Variants in PTPRT observed in about 807,000 individuals in gnomAD.
The protein encoded by PTPRT is protein tyrosine phosphatase receptor type T.
A neutral mutation model predicts 176.8 loss-of-function variants in PTPRT; 56 were observed. The ratio of observed to expected loss-of-function variants is 0.32; its 90% CI spans 0.26 to 0.40. The LOEUF is 0.40. Ranked by LOEUF, PTPRT falls within the 10% of genes least tolerant of loss-of-function variation. PTPRT has a pLI of 1.00. For synonymous variants in PTPRT, 783 were observed against 739.0 expected (o/e 1.06, Z -0.96); for missense variants, 1,540 against 1,908.2 (o/e 0.81, Z 3.60).
intron 2 of PTPRT, among the ~76,000 whole-genome samples, chr20:42,794,089 C>G (rs894063461): frequency 1.3e-5 from 2 of 152,206 alleles, no homozygotes; most frequent in African/African-American, 4.8e-5. Context: ...TCCATCCTAG[C>G]TTCGGTAGCA....
chr20:43,182,968 C>A lies in PTPRT; in HGVS notation c.88+6678G>T, dbSNP rs199761244. ...TGAATGAATGATCTATTCTCTCCCC[C>A]ACAAATCCATACCCTACCAAAATAT... is the stretch of plus-strand genomic sequence containing the variant. On this transcript the variant is annotated intron_variant, in intron 1 of 30. Coordinates refer to ENST00000373187, the MANE Select transcript of PTPRT (RefSeq NM_007050.6). 7.2e-5 allele frequency among the ~76,000 whole-genome samples: 11 copies of A among 152,316 alleles called. No homozygotes were observed. In the East Asian group the frequency reaches 2.1e-3, roughly 29 times the overall value.
intron 7 of PTPRT, among the ~76,000 whole-genome samples, chr20:42,491,562 A>G (rs558167582): frequency 2.6e-5 from 4 of 152,224 alleles, no homozygotes; most frequent in African/African-American, 9.6e-5. Flanking sequence ...GCCTTAGAAC[A>G]GGGCTTGAGG....
intron 16 of PTPRT, among the ~76,000 whole-genome samples, chr20:42,190,993 T>C (rs1990980758): frequency 6.6e-6 from 1 of 152,078 alleles, no homozygotes; most frequent in Admixed American, 6.6e-5. Flanking sequence ...CTTACTTAAT[T>C]TTCCCACCAT....
chr20:42,726,235 A>G (rs774607094), intron 6 of PTPRT, among the ~76,000 whole-genome samples: 5 of 152,034 alleles, frequency 3.3e-5, no homozygotes, highest in African/African-American at 4.8e-5. Context: ...ACACATCAGC[A>G]CACTTGGCTA....
chr20:42,193,881 T>C (rs1350063910), intron 16 of PTPRT, among the ~76,000 whole-genome samples: 1 of 152,252 alleles, frequency 6.6e-6, no homozygotes, highest in African/African-American at 2.4e-5. Flanking sequence ...ATTTTTTAAA[T>C]TGTAGGTTCT....
chr20:42,681,307 C>T (rs1163668356), intron 6 of PTPRT, among the ~76,000 whole-genome samples: 1 of 152,120 alleles, frequency 6.6e-6, no homozygotes, highest in Non-Finnish European at 1.5e-5. Flanking sequence ...ATTTGCCAGA[C>T]AGAGCACTGA....
At chr20:42,390,863 C>A (rs1306687334) in intron 9 of PTPRT, among the ~76,000 whole-genome samples, 1 of 152,114 alleles carries the variant, frequency 6.6e-6, no homozygotes, top group Admixed American at 6.6e-5. Flanking sequence ...AGAACAGGAA[C>A]TTTCTTGAGT....
At position 42,997,350 on chromosome 20, in the gene PTPRT, TC is replaced by T. The variant is rs139186435; in HGVS notation, c.89-111419del. Among the ~76,000 whole-genome samples, 588 of 152,240 alleles carry T rather than the reference TC, an allele frequency of 3.9e-3. 12 individuals carry two copies. In the East Asian group the frequency reaches 0.072, roughly 19 times the overall value. On this transcript the variant is annotated intron_variant, in intron 1 of 30. Transcript: ENST00000373187. ...CATTAGAAAAAGCCAGGTAGCCTCT[TC>T]CTGGTTCCATTGAGATGCTCACTTT...
intron 18 of PTPRT, among the ~76,000 whole-genome samples, chr20:42,136,011 T>C (rs761210572): frequency 2.0e-4 from 30 of 151,500 alleles, no homozygotes; most frequent in East Asian, 1.9e-4. Flanking sequence ...AGAGAGAGGG[T>C]TCACTTTCCT....
chr20:42,885,719 C>T, intron 2 of PTPRT, 88 bp downstream of exon 2: 1 of 1,500,742 alleles, frequency 6.7e-7, no homozygotes, highest in Non-Finnish European at 9.0e-7. Flanking sequence ...TCTCAGAGAG[C>T]TCAATGTGTA....
intron 2 of PTPRT, among the ~76,000 whole-genome samples, chr20:42,831,589 G>T (rs2078089925): frequency 6.6e-6 from 1 of 152,122 alleles, no homozygotes; most frequent in Admixed American, 6.5e-5. Context: ...AGAGTAAACA[G>T]ACAACCTACA....
intron 26 of PTPRT, 107 bp downstream of exon 26, chr20:42,102,017 G>C (rs1437698491): frequency 1.5e-6 from 2 of 1,334,110 alleles, no homozygotes; most frequent in East Asian, 4.8e-5. Flanking sequence ...AGAAGCAGGG[G>C]GGGCTGGCTG....
chr20:43,143,604 G>A (rs1037378307), intron 1 of PTPRT, among the ~76,000 whole-genome samples: 14 of 152,158 alleles, frequency 9.2e-5, no homozygotes, highest in Non-Finnish European at 1.9e-4. Context: ...CCTGATAAAA[G>A]GGAAGAAAAG....
At chr20:42,778,384 G>A (rs986215810) in intron 4 of PTPRT, among the ~76,000 whole-genome samples, 2 of 152,088 alleles carry the variant, frequency 1.3e-5, no homozygotes, top group Non-Finnish European at 1.5e-5. Context: ...TCCCATTAGA[G>A]CACAAAGTTC....
intron 6 of PTPRT, among the ~76,000 whole-genome samples, chr20:42,681,547 C>A (rs2075604474): frequency 6.6e-6 from 1 of 152,124 alleles, no homozygotes; most frequent in South Asian, 2.1e-4. Context: ...GTTGCTTGGG[C>A]TACACTGGTC....
chr20:42,698,834 G>A (rs1162737296), intron 6 of PTPRT, among the ~76,000 whole-genome samples: 1 of 151,134 alleles, frequency 6.6e-6, no homozygotes, highest in African/African-American at 2.5e-5. Flanking sequence ...TAGCATCAGA[G>A]GCAACAATGA....
chr20:42,988,231 G>T (rs2146101494), intron 1 of PTPRT, among the ~76,000 whole-genome samples: 1 of 152,270 alleles, frequency 6.6e-6, no homozygotes, highest in South Asian at 2.1e-4. Flanking sequence ...CCAAAACAAA[G>T]AATGGCAGCC....
At chr20:42,329,235 G>A (rs2057929465) in intron 11 of PTPRT, among the ~76,000 whole-genome samples, 1 of 152,116 alleles carries the variant, frequency 6.6e-6, no homozygotes, top group Non-Finnish European at 1.5e-5. Context: ...TTAAGCAATA[G>A]TCTTAATATA....
At chr20:42,512,314 C>A (rs1264930676) in intron 7 of PTPRT, among the ~76,000 whole-genome samples, 1 of 152,052 alleles carries the variant, frequency 6.6e-6, no homozygotes, top group African/African-American at 2.4e-5. Context: ...ACTCCTAACC[C>A]CTGGCAACCA....
Sources: allele counts gnomAD v4.1 joint callset (sites outside exome capture counted in the v4.1 genomes callset), GRCh38; gene constraint gnomAD v4.1.1; transcripts MANE v1.5; gene names NCBI Gene and HGNC (gene_info 2026-07-23, HGNC 2026-07-21).